Variants in RIMBP2 observed in about 807,000 individuals in gnomAD.
The protein encoded by RIMBP2 is RIMS-binding protein 2.
RIMBP2 carries 48 observed loss-of-function variants against 118.6 expected under a neutral mutation model. That is an observed-to-expected ratio of 0.40 (90% CI 0.32 to 0.51). The LOEUF is 0.51. Ranked by LOEUF, RIMBP2 falls within the 20% of genes least tolerant of loss-of-function variation. The probability of loss-of-function intolerance (pLI) is 0.41; values close to 1 mark genes in which losing one functional copy is unlikely to be tolerated. For missense variants in RIMBP2, 1,551 were observed against 1,768.3 expected, an observed-to-expected ratio of 0.88 and a Z score of 2.20; for synonymous variants, 762 against 742.9, an observed-to-expected ratio of 1.03 and a Z score of -0.42.
chr12:130,694,506 G>T (rs2065480582), intron 1 of RIMBP2, among the ~76,000 whole-genome samples: 1 of 152,176 alleles, frequency 6.6e-6, no homozygotes, highest in South Asian at 2.1e-4. Flanking sequence ...CTCACTGTGT[G>T]CTTCTCTCCT....
rs10848163 is a variant in RIMBP2 at position 130,623,725 on chromosome 12, A to G, written c.-217+4597T>C. On this transcript the variant is annotated intron_variant, in intron 2 of 22. Coordinates refer to ENST00000690449, the MANE Select transcript of RIMBP2 (RefSeq NM_001393629.1). The surrounding 1 kb of genome is among the most constrained non-coding windows in gnomAD (Gnocchi z 4.1). ...TCCATCTAGCTGAGACCCAAGCCTGACCTACATGCAGGGCAAGCAAGACAT... is the reference window on the plus strand; with the variant it reads ...TCCATCTAGCTGAGACCCAAGCCTGGCCTACATGCAGGGCAAGCAAGACAT... Among the ~76,000 whole-genome samples the G allele has an allele frequency of 0.58, 87,996 of 152,036 alleles. 27,252 individuals carry two copies. Among genetic ancestry groups the G allele is most frequent in the Admixed American group, 0.69 (10,616 of 15,288 alleles).
At chr12:130,598,021 T>C (rs2059653799) in intron 2 of RIMBP2, among the ~76,000 whole-genome samples, 1 of 152,182 alleles carries the variant, frequency 6.6e-6, no homozygotes, top group South Asian at 2.1e-4. Flanking sequence ...TACAAAGAAC[T>C]ATTAAATGAA....
chr12:130,424,657 G>A lies in RIMBP2; in HGVS notation c.2614C>T (p.Pro872Ser). The A allele has an allele frequency of 8.1e-7, 1 of 1,231,932 alleles. No homozygotes were observed. The highest frequency in any genetic ancestry group is 1.0e-6 in the Non-Finnish European group (1 of 987,866). 76.3% of individuals were successfully genotyped at this position (1,231,932 alleles called of 1,614,324 possible). The change falls in exon 16 of 23, where the codon CCC becomes TCC. Residue 872 changes from proline (P) to serine (S), a missense_variant. Coordinates refer to ENST00000690449, the MANE Select transcript of RIMBP2 (RefSeq NM_001393629.1). This position sits in a 1 kb window ranked among gnomAD's most constrained non-coding sequence, Gnocchi z 9.8. Reference sequence around the variant, plus strand: ...CGAGGGGCCTCGTCGCCCCTGTAGGGCCTGCCGGGCCTGGGCTCTCTGGCC... The same window carrying A: ...CGAGGGGCCTCGTCGCCCCTGTAGGACCTGCCGGGCCTGGGCTCTCTGGCC... ...GLAREPRPGRPYRGDEAPRGS... is the reference protein window; with the variant it reads ...GLAREPRPGRSYRGDEAPRGS...
chr12:130,646,972 C>T (rs575671322), intron 1 of RIMBP2, among the ~76,000 whole-genome samples: 2 of 152,362 alleles, frequency 1.3e-5, no homozygotes, highest in East Asian at 1.9e-4. Context: ...CCTTAGCCTA[C>T]GCAATTCTCA....
rs2052662446 is a variant in RIMBP2, at chr12:130,525,362, G to A, written c.-216-7445C>T. 1.3e-5 allele frequency among the ~76,000 whole-genome samples: 2 copies of A among 152,314 alleles called. No homozygotes were observed. Among genetic ancestry groups the A allele is most frequent in the South Asian group, 4.1e-4 (2 of 4,830 alleles). The stretch of plus-strand genomic sequence containing the variant: ...AAGCAGAGGGCAGCATCAATGGGTG[G>A]GAGATAAAGAGGAAGAGGGAGGAGA... On this transcript the variant is annotated intron_variant, in intron 2 of 22. Coordinates refer to ENST00000690449, the MANE Select transcript of RIMBP2 (RefSeq NM_001393629.1). The surrounding 1 kb of genome is among the most constrained non-coding windows in gnomAD (Gnocchi z 4.4).
chr12:130,555,480 C>A (rs886119473), intron 2 of RIMBP2, among the ~76,000 whole-genome samples: 16 of 152,160 alleles, frequency 1.1e-4, no homozygotes, highest in African/African-American at 3.9e-4. Context: ...ACTCAAGCAC[C>A]ATAAATGCAA....
At chr12:130,471,272 T>C (rs2080979695) in intron 5 of RIMBP2, among the ~76,000 whole-genome samples, 1 of 152,236 alleles carries the variant, frequency 6.6e-6, no homozygotes, top group African/African-American at 2.4e-5. Flanking sequence ...CATGTTTCAC[T>C]ACAGAAATGT....
Position 130,432,130 on chromosome 12 carries a change from G to C in RIMBP2, c.2253+2604C>G, listed in dbSNP as rs541268431. 21 of 426,498 alleles carry C rather than the reference G, an allele frequency of 4.9e-5. 1 individual carries two copies. Among genetic ancestry groups the C allele is most frequent in the South Asian group, 2.9e-4 (17 of 59,202 alleles). The allele number at this position is 426,498 out of a possible 1,614,324, so 26.4% of individuals were successfully genotyped here. A position where few individuals can be genotyped will look rare whatever the true frequency, so the allele number is the denominator to read the frequency against. On this transcript the variant is annotated intron_variant, in intron 14 of 22. Coordinates refer to ENST00000690449, the MANE Select transcript of RIMBP2 (RefSeq NM_001393629.1). Reference sequence around the variant, plus strand: ...GAACAAGTGCTCCAGCCTTTCCTCCGGGTTTGTAATCTGAGCAGATTGCAG... The same window carrying C: ...GAACAAGTGCTCCAGCCTTTCCTCCCGGTTTGTAATCTGAGCAGATTGCAG...
intron 2 of RIMBP2, among the ~76,000 whole-genome samples, chr12:130,556,028 G>A (rs1171809995): frequency 6.6e-6 from 1 of 152,214 alleles, no homozygotes; most frequent in Non-Finnish European, 1.5e-5. Flanking sequence ...CTGCCCCCTC[G>A]TACTTCGGGG....
At chr12:130,681,098 G>T (rs779241015) in intron 1 of RIMBP2, among the ~76,000 whole-genome samples, 2 of 152,108 alleles carry the variant, frequency 1.3e-5, no homozygotes, top group Non-Finnish European at 2.9e-5. Flanking sequence ...TTCAAAAGAG[G>T]AACAATAATT....
chr12:130,593,530 C>T (rs776576626), intron 2 of RIMBP2, among the ~76,000 whole-genome samples: 14 of 152,306 alleles, frequency 9.2e-5, no homozygotes, highest in South Asian at 4.1e-4. Context: ...AAGAAGGTCC[C>T]GCACCCTTGG....
rs2065159488 is a variant in RIMBP2, at chr12:130,688,401, T to C, written c.-352+27821A>G. Among the ~76,000 whole-genome samples, 2 of 152,182 alleles carry C rather than the reference T, an allele frequency of 1.3e-5. No individual in the cohort carries two copies. The highest frequency in any genetic ancestry group is 4.8e-5 in the African/African-American group (2 of 41,436). Reference sequence around the variant, plus strand: ...ACACTCTGGAACACTCTGGGGCCATTGGATAACACATACGTTTGCTTAGGT... The same window carrying C: ...ACACTCTGGAACACTCTGGGGCCATCGGATAACACATACGTTTGCTTAGGT... On this transcript the variant is annotated intron_variant, in intron 1 of 22. Transcript: ENST00000690449. This position sits in a 1 kb window ranked among gnomAD's most constrained non-coding sequence, Gnocchi z 4.7.
At chr12:130,553,030 G>A (rs928925528) in intron 2 of RIMBP2, among the ~76,000 whole-genome samples, 1 of 151,988 alleles carries the variant, frequency 6.6e-6, no homozygotes, top group Non-Finnish European at 1.5e-5. Flanking sequence ...GCAGGTGCCT[G>A]TAGTCCCAGC....
intron 1 of RIMBP2, among the ~76,000 whole-genome samples, chr12:130,671,651 T>G (rs2064202303): frequency 6.6e-6 from 1 of 152,112 alleles, no homozygotes; most frequent in Non-Finnish European, 1.5e-5. Flanking sequence ...TTCCTGGGCA[T>G]GGAAGGATGT....
rs572968814 is a variant in RIMBP2, at chr12:130,680,572, C to A, written c.-352+35650G>T. Among the ~76,000 whole-genome samples, 47 of 152,320 alleles carry A rather than the reference C, an allele frequency of 3.1e-4. 1 individual carries two copies. Among genetic ancestry groups the A allele is most frequent in the Admixed American group, 3.1e-3 (47 of 15,308 alleles). On this transcript the variant is annotated intron_variant, in intron 1 of 22. Transcript: ENST00000690449. Reference sequence around the variant, plus strand: ...ATAACACAAGACACCGACATCACTGCCTGCTTCTAGGACCGCGGCTCTCGG... The same window carrying A: ...ATAACACAAGACACCGACATCACTGACTGCTTCTAGGACCGCGGCTCTCGG...
rs187675190 is a variant in RIMBP2, at chr12:130,562,413, A to G, written c.-216-44496T>C. ...AGGAATGACTTGATCCAGGGACCCT[A>G]CCTGGCAAGTGCCTGGCTTCTACTC... On this transcript the variant is annotated intron_variant, in intron 2 of 22. Transcript: ENST00000690449. Among the ~76,000 whole-genome samples the G allele has an allele frequency of 2.8e-3, 431 of 152,356 alleles. 2 individuals carry two copies. The highest frequency in any genetic ancestry group is 4.2e-3 in the Non-Finnish European group (286 of 68,040).
intron 1 of RIMBP2, among the ~76,000 whole-genome samples, chr12:130,659,850 T>C (rs1401962260): frequency 6.6e-6 from 1 of 151,742 alleles, no homozygotes; most frequent in Non-Finnish European, 1.5e-5. Flanking sequence ...GGCATGCACC[T>C]GTAATTCCAG....
intron 4 of RIMBP2, among the ~76,000 whole-genome samples, chr12:130,497,065 T>C (rs915017350): frequency 6.6e-6 from 1 of 152,058 alleles, no homozygotes; most frequent in Non-Finnish European, 1.5e-5. Flanking sequence ...CTCTGATCTC[T>C]GCCTCCATCC....
At position 130,475,227 on chromosome 12, in the gene RIMBP2, C is replaced by T. The variant is rs746563744; in HGVS notation, c.102+3685G>A. 2.0e-4 allele frequency among the ~76,000 whole-genome samples: 30 copies of T among 152,230 alleles called. No homozygotes were observed. Among genetic ancestry groups the T allele is most frequent in the Non-Finnish European group, 4.4e-4 (30 of 68,038 alleles). On this transcript the variant is annotated intron_variant, in intron 5 of 22. Transcript: ENST00000690449. The surrounding 1 kb of genome is among the most constrained non-coding windows in gnomAD (Gnocchi z 4.1). ...CCGATTTAACAAATGCTTTCCCTTT[C>T]ACATGATCTTACGTGCTTCTCCCGA... is the stretch of plus-strand genomic sequence containing the variant.
Sources: gnomAD v4.1 joint callset for allele counts (sites outside exome capture counted in the v4.1 genomes callset) on GRCh38, gnomAD v4.1.1 for gene constraint, Gnocchi (gnomAD v3.1) non-coding constraint, MANE v1.5 for transcripts, NCBI Gene and HGNC (gene_info 2026-07-23, HGNC 2026-07-21) for gene names.